Variants in AUTS2 observed in about 807,000 individuals in gnomAD.
AUTS2 encodes autism susceptibility gene 2 protein.
Under a neutral mutation model 112.4 loss-of-function variants are expected in AUTS2, and 17 were observed. The ratio of observed to expected loss-of-function variants is 0.15; its 90% CI spans 0.10 to 0.23. The LOEUF is 0.23. Among genes scored for constraint, AUTS2 ranks in the 10% least tolerant of loss-of-function variants. The probability of loss-of-function intolerance (pLI) is 1.00; values close to 1 mark genes in which losing one functional copy is unlikely to be tolerated. For missense variants in AUTS2, 1,510 were observed against 1,701.6 expected, an observed-to-expected ratio of 0.89 and a Z score of 1.98; for synonymous variants, 751 against 702.7, an observed-to-expected ratio of 1.07 and a Z score of -1.09.
intron 6 of AUTS2, among the ~76,000 whole-genome samples, chr7:70,741,772 A>AG (rs1409653427): frequency 1.3e-5 from 2 of 152,098 alleles, no homozygotes; most frequent in African/African-American, 4.8e-5. Context: ...AAGTTTGCTC[A>AG]TGGGAGCTGA....
At chr7:70,158,361 A>G (rs1807894045) in intron 4 of AUTS2, among the ~76,000 whole-genome samples, 1 of 152,184 alleles carries the variant, frequency 6.6e-6, no homozygotes. Flanking sequence ...AGGAAAAATT[A>G]TGATGATGAC....
At chr7:70,726,759 T>C (rs971940380) in intron 6 of AUTS2, among the ~76,000 whole-genome samples, 7 of 152,212 alleles carry the variant, frequency 4.6e-5, no homozygotes, top group Non-Finnish European at 1.0e-4. Context: ...TCAGAGAGGC[T>C]TAAACACAAT....
chr7:70,682,266 T>C (rs955153775), intron 5 of AUTS2, among the ~76,000 whole-genome samples: 3 of 152,196 alleles, frequency 2.0e-5, no homozygotes, highest in Non-Finnish European at 4.4e-5. Context: ...ACCTGCAGTT[T>C]ATGGGGCCGT....
At chr7:70,711,464 C>G (rs1345951984) in intron 6 of AUTS2, among the ~76,000 whole-genome samples, 1 of 152,186 alleles carries the variant, frequency 6.6e-6, no homozygotes, top group Non-Finnish European at 1.5e-5. Context: ...CCAAAAATAC[C>G]TCCACAATAC....
Position 69,834,282 on chromosome 7 carries a change from T to G in AUTS2, c.310-65004T>G, listed in dbSNP as rs76318692. ...CTTTATTCTTAGGGTTCAAATTATTTTACAACGAAATTGTTTAGTTTGGAG... is the reference window on the plus strand; with the variant it reads ...CTTTATTCTTAGGGTTCAAATTATTGTACAACGAAATTGTTTAGTTTGGAG... On this transcript the variant is annotated intron_variant, in intron 1 of 18. Coordinates refer to ENST00000342771, the MANE Select transcript of AUTS2 (RefSeq NM_015570.4). Among the ~76,000 whole-genome samples the G allele has an allele frequency of 2.9e-3, 445 of 152,322 alleles. 5 individuals are homozygous for G. Among genetic ancestry groups the G allele is most frequent in the African/African-American group, 0.01 (431 of 41,576 alleles).
chr7:70,496,132 CG>C (rs1798481455), intron 5 of AUTS2, among the ~76,000 whole-genome samples: 1 of 132,366 alleles, frequency 7.6e-6, no homozygotes, highest in African/African-American at 2.9e-5. Context: ...ACATCAGCAT[CG>C]ATCACACACC....
At chr7:70,113,959 A>C (rs1177189842) in intron 2 of AUTS2, among the ~76,000 whole-genome samples, 1 of 152,264 alleles carries the variant, frequency 6.6e-6, no homozygotes, top group Non-Finnish European at 1.5e-5. Flanking sequence ...CATTAATAAC[A>C]GTTAACACTG....
At chr7:70,710,780 G>A (rs1294231250) in intron 6 of AUTS2, among the ~76,000 whole-genome samples, 5 of 152,238 alleles carry the variant, frequency 3.3e-5, no homozygotes, top group Non-Finnish European at 5.9e-5. Context: ...AAGGAGGAAC[G>A]TCACAGACAA....
intron 1 of AUTS2, among the ~76,000 whole-genome samples, chr7:69,753,760 T>G (rs552488296): frequency 1.3e-5 from 2 of 152,304 alleles, no homozygotes; most frequent in South Asian, 4.1e-4. Flanking sequence ...CAAGGAAGAT[T>G]TGTATCCACT....
intron 2 of AUTS2, among the ~76,000 whole-genome samples, chr7:70,090,255 A>C (rs1327295198): frequency 1.3e-5 from 2 of 151,770 alleles, no homozygotes; most frequent in African/African-American, 4.8e-5. Context: ...TTTTGTTTCA[A>C]CTCTCTTGTT....
Position 69,671,252 on chromosome 7 carries a change from G to A in AUTS2, c.309+71290G>A, listed in dbSNP as rs149488860. 5.1e-4 allele frequency among the ~76,000 whole-genome samples: 78 copies of A among 152,306 alleles called. 1 individual carries two copies. The East Asian group carries it at 0.013, about 26-fold the overall frequency. On this transcript the variant is annotated intron_variant, in intron 1 of 18. Coordinates refer to ENST00000342771, the MANE Select transcript of AUTS2 (RefSeq NM_015570.4). The stretch of plus-strand genomic sequence containing the variant: ...TGGAGAAGAAACTTCTAGACCTTAA[G>A]TGACTGTCCTGGTTCCAGCACTCAT...
At chr7:69,671,316 G>A (rs1471786516) in intron 1 of AUTS2, among the ~76,000 whole-genome samples, 2 of 152,156 alleles carry the variant, frequency 1.3e-5, no homozygotes, top group Admixed American at 1.3e-4. Flanking sequence ...CAAGAAATCT[G>A]TTCCGTCTTC....
intron 2 of AUTS2, among the ~76,000 whole-genome samples, chr7:69,994,382 C>A (rs1443176896): frequency 1.3e-5 from 2 of 152,154 alleles, no homozygotes; most frequent in East Asian, 3.8e-4. Context: ...GGTTTTAAAA[C>A]AAACTAAGGT....
At chr7:70,009,229 C>G (rs1366845021) in intron 2 of AUTS2, among the ~76,000 whole-genome samples, 1 of 152,090 alleles carries the variant, frequency 6.6e-6, no homozygotes, top group Non-Finnish European at 1.5e-5. Context: ...AATAACCAAC[C>G]CAACTCCAGT....
At chr7:69,912,622 G>T (rs1311207528) in intron 2 of AUTS2, among the ~76,000 whole-genome samples, 1 of 152,188 alleles carries the variant, frequency 6.6e-6, no homozygotes, top group Non-Finnish European at 1.5e-5. Context: ...CGTTTTCATG[G>T]TCATTCTGCC....
At chr7:70,018,603 C>G (rs1800136027) in intron 2 of AUTS2, among the ~76,000 whole-genome samples, 1 of 152,198 alleles carries the variant, frequency 6.6e-6, no homozygotes, top group African/African-American at 2.4e-5. Context: ...ACAACTATTT[C>G]ACAATCCGAT....
intron 5 of AUTS2, among the ~76,000 whole-genome samples, chr7:70,693,195 G>A (rs942219310): frequency 6.6e-6 from 1 of 152,222 alleles, no homozygotes. Context: ...GTTCTGGTGG[G>A]AGTGGGTTGC....
intron 4 of AUTS2, among the ~76,000 whole-genome samples, chr7:70,357,168 G>A (rs1281574011): frequency 6.6e-6 from 1 of 152,172 alleles, no homozygotes; most frequent in Admixed American, 6.5e-5. Flanking sequence ...GGAACATTTT[G>A]GTGGTAATGA....
At chr7:70,536,296 T>G (rs1282559722) in intron 5 of AUTS2, among the ~76,000 whole-genome samples, 1 of 152,012 alleles carries the variant, frequency 6.6e-6, no homozygotes, top group Non-Finnish European at 1.5e-5. Context: ...CTCAAAAAAT[T>G]AAAAAATAAA....
Sources: allele counts gnomAD v4.1 joint callset (sites outside exome capture counted in the v4.1 genomes callset), GRCh38; gene constraint gnomAD v4.1.1; transcripts MANE v1.5; gene names NCBI Gene and HGNC (gene_info 2026-07-23, HGNC 2026-07-21).